Variants in THSD7B observed in about 807,000 individuals in gnomAD.
The protein encoded by THSD7B is thrombospondin type-1 domain-containing protein 7B.
Under a neutral mutation model 213.6 loss-of-function variants are expected in THSD7B, and 138 were observed. The observed-to-expected ratio is 0.65, with a 90% CI of 0.56 to 0.74. The LOEUF (loss-of-function observed/expected upper bound fraction) is 0.74, where lower values mean the gene tolerates loss of function less well. Ranked by LOEUF, THSD7B falls within the 30% of genes least tolerant of loss-of-function variation. The pLI, the probability that THSD7B is intolerant of heterozygous loss-of-function variation, is 0.00. For missense variants in THSD7B, 1,931 were observed against 1,991.5 expected (o/e 0.97, Z 0.58); for synonymous variants, 742 against 687.0 (o/e 1.08, Z -1.25).
intron 15 of THSD7B, among the ~76,000 whole-genome samples, chr2:137,468,356 G>A (rs1180332838): frequency 2.6e-5 from 4 of 151,984 alleles, no homozygotes; most frequent in Non-Finnish European, 5.9e-5. Context: ...CAAGTGCAAG[G>A]CAATGAGACA....
chr2:137,655,618 C>T lies in THSD7B; in HGVS notation c.4063C>T (p.Gln1355Ter). ...EDALCGEMPF[Q>*]DSILKQLCSV... is the part of the protein sequence containing the mutation. ...TGCACTGTGTGGAGAAATGCCCTTTCAGGACAGCATCCTGAAGCAGCTGTG... is the reference window on the plus strand; with the variant it reads ...TGCACTGTGTGGAGAAATGCCCTTTTAGGACAGCATCCTGAAGCAGCTGTG... The change falls in exon 22 of 28, where the codon CAG becomes TAG. Residue 1355 changes from glutamine to a stop codon, truncating the protein, a stop_gained. Transcript: ENST00000409968. LOFTEE classifies it high-confidence loss of function. 3 of 1,613,126 alleles carry T rather than the reference C, an allele frequency of 1.9e-6. No homozygotes were observed. The highest frequency in any genetic ancestry group is 2.5e-6 in the Non-Finnish European group (3 of 1,179,572).
At chr2:137,589,889 G>C (rs1354788310) in intron 17 of THSD7B, among the ~76,000 whole-genome samples, 1 of 152,122 alleles carries the variant, frequency 6.6e-6, no homozygotes, top group Non-Finnish European at 1.5e-5. Flanking sequence ...CTGTTAGATT[G>C]AGATCATTTA....
At chr2:136,864,216 A>C (rs931410190) in intron 1 of THSD7B, among the ~76,000 whole-genome samples, 1 of 152,200 alleles carries the variant, frequency 6.6e-6, no homozygotes, top group Admixed American at 6.5e-5. Flanking sequence ...GGCAGCAGAT[A>C]CTTATTAAGT....
rs1191015353 is a variant in THSD7B, at chr2:137,013,896, C to T, written c.140-42524C>T. On this transcript the variant is annotated intron_variant, in intron 2 of 27. Coordinates refer to ENST00000409968, the MANE Select transcript of THSD7B (RefSeq NM_001316349.2). Reference sequence around the variant, plus strand: ...TGCTGAAATATAAGCCTGGGGTTTACGGGGAGCCACAGCAGTCTGTTACAT... The same window carrying T: ...TGCTGAAATATAAGCCTGGGGTTTATGGGGAGCCACAGCAGTCTGTTACAT... Among the ~76,000 whole-genome samples, 8 of 152,194 alleles carry T rather than the reference C, an allele frequency of 5.3e-5. No homozygotes were observed. In the East Asian group the frequency reaches 1.6e-3, roughly 30 times the overall value.
At chr2:137,554,755 C>T (rs1558837203) in intron 15 of THSD7B, among the ~76,000 whole-genome samples, 4 of 152,136 alleles carry the variant, frequency 2.6e-5, no homozygotes, top group Admixed American at 2.0e-4. Flanking sequence ...CAAGGCATCA[C>T]CTCACCCGGG....
intron 26 of THSD7B, among the ~76,000 whole-genome samples, chr2:137,666,316 CATTTCATCATTAGTGTTTCAAAGAGATT>C (rs796519845): frequency 4.6e-5 from 7 of 152,002 alleles, no homozygotes; most frequent in African/African-American, 1.7e-4. Context: ...CAGATTAGGC[CATTTCATCATTAGTGTTTCAAAGAGATT>C]AGAATCAAAG....
At chr2:137,518,148 G>GT (rs1284065259) in intron 15 of THSD7B, among the ~76,000 whole-genome samples, 1 of 152,134 alleles carries the variant, frequency 6.6e-6, no homozygotes, top group Admixed American at 6.5e-5. Flanking sequence ...AATGCCCATG[G>GT]TCTCCACTCC....
At chr2:137,009,003 G>T (rs551588999) in intron 2 of THSD7B, among the ~76,000 whole-genome samples, 1 of 152,148 alleles carries the variant, frequency 6.6e-6, no homozygotes, top group Non-Finnish European at 1.5e-5. Context: ...TTGTTCTTCT[G>T]CAGACAGTAA....
intron 16 of THSD7B, among the ~76,000 whole-genome samples, chr2:137,570,838 T>A (rs1308673325): frequency 6.6e-6 from 1 of 152,202 alleles, no homozygotes; most frequent in African/African-American, 2.4e-5. Context: ...ACTTAGTATG[T>A]AGCAAGCTAT....
chr2:137,546,801 T>C (rs1180540368), intron 15 of THSD7B, among the ~76,000 whole-genome samples: 2 of 151,752 alleles, frequency 1.3e-5, no homozygotes, highest in African/African-American at 2.4e-5. Context: ...GTGGTCTTAA[T>C]TGTTTATTGC....
chr2:137,303,909 T>C (rs1169972539), intron 12 of THSD7B, among the ~76,000 whole-genome samples: 3 of 151,218 alleles, frequency 2.0e-5, no homozygotes, highest in African/African-American at 7.3e-5. Context: ...GCTGCACCCA[T>C]CAACCCATCA....
At chr2:137,198,419 A>G (rs1680808383) in intron 7 of THSD7B, among the ~76,000 whole-genome samples, 1 of 152,170 alleles carries the variant, frequency 6.6e-6, no homozygotes, top group South Asian at 2.1e-4. Flanking sequence ...CTGCTTCAGG[A>G]GAGTAAATGG....
chr2:137,394,161 T>C (rs1312691069), intron 12 of THSD7B, among the ~76,000 whole-genome samples: 1 of 110,600 alleles, frequency 9.0e-6, no homozygotes, highest in South Asian at 3.7e-4. Context: ...AGCTCTTTAG[T>C]TTAATTAGAT....
At chr2:136,889,517 C>G (rs1015027735) in intron 2 of THSD7B, among the ~76,000 whole-genome samples, 23 of 152,218 alleles carry the variant, frequency 1.5e-4, no homozygotes, top group South Asian at 1.0e-3. Context: ...AGTGCCCATA[C>G]TCTTTGTAGT....
chr2:136,885,216 C>T (rs1216955674), intron 2 of THSD7B, among the ~76,000 whole-genome samples: 1 of 152,152 alleles, frequency 6.6e-6, no homozygotes, highest in East Asian at 1.9e-4. Flanking sequence ...GTGTCAACCA[C>T]TTTACTCTTT....
intron 17 of THSD7B, among the ~76,000 whole-genome samples, chr2:137,592,172 A>G (rs1438979110): frequency 2.0e-5 from 3 of 151,738 alleles, no homozygotes; most frequent in Non-Finnish European, 4.4e-5. Flanking sequence ...ATTTTTATTA[A>G]AAAACTTAAA....
intron 12 of THSD7B, among the ~76,000 whole-genome samples, chr2:137,281,508 C>T (rs543591557): frequency 6.6e-5 from 10 of 152,032 alleles, no homozygotes; most frequent in African/African-American, 2.2e-4. Context: ...GCTGCACCCA[C>T]TAACTCGTCA....
chr2:137,242,613 T>G, intron 10 of THSD7B, 41 bp downstream of exon 10: 2 of 1,474,500 alleles, frequency 1.4e-6, no homozygotes, highest in Non-Finnish European at 9.5e-7. Context: ...TTCCCTAACC[T>G]GATTGTTTCT....
At chr2:136,836,058 A>G (rs1201776426) in intron 1 of THSD7B, among the ~76,000 whole-genome samples, 1 of 152,240 alleles carries the variant, frequency 6.6e-6, no homozygotes, top group East Asian at 1.9e-4. Flanking sequence ...AAGAACATGC[A>G]GCTGTTGTCT....
Sources: gnomAD v4.1 joint callset for allele counts (sites outside exome capture counted in the v4.1 genomes callset) on GRCh38, gnomAD v4.1.1 for gene constraint, MANE v1.5 for transcripts, NCBI Gene and HGNC (gene_info 2026-07-23, HGNC 2026-07-21) for gene names.